SMYD3: variants seen among roughly 807,000 people sequenced by gnomAD.
SMYD3 encodes the protein histone-lysine N-methyltransferase SMYD3.
In SMYD3, 36 loss-of-function variants were observed where a neutral mutation model predicts 57.7. The ratio of observed to expected loss-of-function variants is 0.62; its 90% CI spans 0.48 to 0.82. The LOEUF is 0.82. Ranked by LOEUF, SMYD3 falls within the 40% of genes least tolerant of loss-of-function variation. The pLI, the probability that SMYD3 is intolerant of heterozygous loss-of-function variation, is 0.00. For missense variants in SMYD3, 515 were observed against 538.8 expected (o/e 0.96, Z 0.44); for synonymous variants, 211 against 195.0 (o/e 1.08, Z -0.68).
At chr1:245,934,734 G>C (rs2056906221) in intron 5 of SMYD3, among the ~76,000 whole-genome samples, 1 of 152,044 alleles carries the variant, frequency 6.6e-6, no homozygotes, top group Non-Finnish European at 1.5e-5. Context: ...GAGAGTACAG[G>C]TGATTTCGGC....
intron 1 of SMYD3, among the ~76,000 whole-genome samples, chr1:246,408,561 A>T (rs1462835150): frequency 6.6e-6 from 1 of 152,082 alleles, no homozygotes; most frequent in African/African-American, 2.4e-5. Flanking sequence ...AATTACTGAT[A>T]AGTAATGAGA....
intron 8 of SMYD3, 127 bp from the exon 9 acceptor site, chr1:245,864,013 T>C: frequency 2.5e-6 from 2 of 785,376 alleles, no homozygotes; most frequent in South Asian, 1.7e-5. Flanking sequence ...TCATTTATCA[T>C]CAGGGAAATA....
At chr1:246,161,274 C>T (rs1326797165) in intron 5 of SMYD3, among the ~76,000 whole-genome samples, 1 of 152,158 alleles carries the variant, frequency 6.6e-6, no homozygotes, top group Non-Finnish European at 1.5e-5. Context: ...TTCTCCGGGG[C>T]CCTACAGCTT....
At chr1:246,257,981 T>C (rs922605887) in intron 5 of SMYD3, among the ~76,000 whole-genome samples, 1 of 152,204 alleles carries the variant, frequency 6.6e-6, no homozygotes, top group Non-Finnish European at 1.5e-5. Flanking sequence ...GCTTCCTGTA[T>C]AGCTTGCAGA....
chr1:246,072,439 G>A (rs78652495), intron 5 of SMYD3, among the ~76,000 whole-genome samples: 12,719 of 144,188 alleles, frequency 0.088, 1,541 homozygotes, highest in African/African-American at 0.26. Flanking sequence ...TGTGCTTTCC[G>A]CTGTGCTCAG....
intron 10 of SMYD3, among the ~76,000 whole-genome samples, chr1:245,777,038 G>C (rs1299648575): frequency 6.6e-6 from 1 of 152,124 alleles, no homozygotes; most frequent in Non-Finnish European, 1.5e-5. Context: ...CTACGACAAA[G>C]GAGTTACTAA....
At chr1:246,175,125 G>A (rs1349671337) in intron 5 of SMYD3, among the ~76,000 whole-genome samples, 4 of 152,126 alleles carry the variant, frequency 2.6e-5, no homozygotes, top group Non-Finnish European at 4.4e-5. Context: ...GAGTAACTGC[G>A]CCTGTGCCCT....
chr1:246,442,448 C>A (rs1222483225), intron 1 of SMYD3, among the ~76,000 whole-genome samples: 2 of 151,984 alleles, frequency 1.3e-5, no homozygotes, highest in Non-Finnish European at 2.9e-5. Context: ...ACTCGGGAGG[C>A]TGAGGCAGGA....
At chr1:245,954,378 A>G (rs1186486382) in intron 5 of SMYD3, among the ~76,000 whole-genome samples, 2 of 152,190 alleles carry the variant, frequency 1.3e-5, no homozygotes, top group African/African-American at 4.8e-5. Flanking sequence ...GGGGACGATA[A>G]AGAAAGTGGT....
intron 5 of SMYD3, among the ~76,000 whole-genome samples, chr1:246,046,997 T>C (rs559211720): frequency 3.3e-5 from 5 of 152,142 alleles, no homozygotes; most frequent in African/African-American, 1.2e-4. Flanking sequence ...TTGAAAGATA[T>C]AAAATACCAT....
chr1:245,784,412 G>A (rs1324803383), intron 10 of SMYD3, among the ~76,000 whole-genome samples: 3 of 152,142 alleles, frequency 2.0e-5, no homozygotes, highest in Non-Finnish European at 4.4e-5. Flanking sequence ...AGAAATTCAC[G>A]AAGGATACAG....
At position 245,875,609 on chromosome 1, in the gene SMYD3, T is replaced by C. The variant is rs536953857; in HGVS notation, c.814-11723A>G. Among the ~76,000 whole-genome samples, 4 of 152,314 alleles carry C rather than the reference T, an allele frequency of 2.6e-5. No homozygotes were observed. In the East Asian group the frequency reaches 7.7e-4, roughly 29 times the overall value. On this transcript the variant is annotated intron_variant, in intron 8 of 11. Transcript: ENST00000490107. Reference sequence around the variant, plus strand: ...TGGATGTTCAAAATGGCTTTTTGAGTATACAAGATGATATAATGCTTCTCA... The same window carrying C: ...TGGATGTTCAAAATGGCTTTTTGAGCATACAAGATGATATAATGCTTCTCA...
At chr1:246,506,280 C>T (rs202086955) in intron 1 of SMYD3, among the ~76,000 whole-genome samples, 1 of 152,198 alleles carries the variant, frequency 6.6e-6, no homozygotes, top group Non-Finnish European at 1.5e-5. Flanking sequence ...TTTCACATAG[C>T]ACTTTACACC....
At chr1:246,328,641 T>C (rs1177669210) in intron 4 of SMYD3, among the ~76,000 whole-genome samples, 1 of 151,912 alleles carries the variant, frequency 6.6e-6, no homozygotes, top group Non-Finnish European at 1.5e-5. Context: ...TATATGCTTG[T>C]TAATTTTTTT....
intron 1 of SMYD3, among the ~76,000 whole-genome samples, chr1:246,371,662 T>C (rs1452006596): frequency 6.6e-6 from 1 of 152,224 alleles, no homozygotes; most frequent in Admixed American, 6.5e-5. Context: ...CATAACATAC[T>C]ATGACGTAAG....
chr1:246,066,684 G>A (rs1014267487), intron 5 of SMYD3, among the ~76,000 whole-genome samples: 39 of 152,168 alleles, frequency 2.6e-4, no homozygotes, highest in Admixed American at 2.5e-3. Flanking sequence ...AATTGCTTAA[G>A]TTTTCATTCT....
At chr1:246,466,856 T>C (rs2067889291) in intron 1 of SMYD3, among the ~76,000 whole-genome samples, 1 of 151,688 alleles carries the variant, frequency 6.6e-6, no homozygotes, top group Non-Finnish European at 1.5e-5. Context: ...TCAAAAAGAA[T>C]AATAATTTTT....
chr1:246,172,737 G>A (rs575141523), intron 5 of SMYD3, among the ~76,000 whole-genome samples: 4 of 118,292 alleles, frequency 3.4e-5, no homozygotes, highest in East Asian at 2.7e-4. Flanking sequence ...CACACTGTAC[G>A]CTTAGGCTAC....
intron 1 of SMYD3, among the ~76,000 whole-genome samples, chr1:246,393,180 T>C (rs897822831): frequency 6.6e-6 from 1 of 152,156 alleles, no homozygotes; most frequent in African/African-American, 2.4e-5. Context: ...GCTAAACAAC[T>C]CTGAGACTAT....
Sources: allele counts gnomAD v4.1 joint callset (sites outside exome capture counted in the v4.1 genomes callset), GRCh38; gene constraint gnomAD v4.1.1; transcripts MANE v1.5; gene names NCBI Gene and HGNC (gene_info 2026-07-23, HGNC 2026-07-21).